FLT4: variants seen among roughly 807,000 people sequenced by gnomAD.
FLT4 encodes the protein fms related receptor tyrosine kinase 4.
Under a neutral mutation model 163.2 loss-of-function variants are expected in FLT4, and 30 were observed. That is an observed-to-expected ratio of 0.18 (90% CI 0.14 to 0.25). The LOEUF is 0.25. FLT4 is among the 10% of genes least tolerant of loss of function. FLT4 has a pLI of 1.00. For missense variants in FLT4, 1,510 were observed against 1,863.8 expected (o/e 0.81, Z 3.50); for synonymous variants, 884 against 789.5 (o/e 1.12, Z -2.01).
Position 180,630,449 on chromosome 5 carries a change from G to A in FLT4, c.400+106C>T, listed in dbSNP as rs1007234577. 4.5e-6 allele frequency: 7 copies of A among 1,572,376 alleles called. No individual in the cohort carries two copies. In the Admixed American group the frequency reaches 8.6e-5, roughly 19 times the overall value. On this transcript the variant is annotated intron_variant, in intron 3 of 29. Coordinates refer to ENST00000261937, the MANE Select transcript of FLT4 (RefSeq NM_182925.5). The surrounding 1 kb of genome is among the most constrained non-coding windows in gnomAD (Gnocchi z 6.3). ...AACCAGCCACCCGCTGGAGCAGGTA[G>A]GGCCCCGTTCTCTCCTCCTGCCAGC... is the stretch of plus-strand genomic sequence containing the variant.
Position 180,612,521 on chromosome 5 carries a change from C to G in FLT4, c.3522G>C (p.Gln1174His), listed in dbSNP as rs149299992. The G allele has an allele frequency of 2.6e-5, 42 of 1,613,618 alleles. No individual in the cohort carries two copies. In the African/African-American group the frequency reaches 5.2e-4, roughly 20 times the overall value. ...ELVEILGDLL[Q>H]GRGLQEEEEV... ...AGGGGCTCACTTGCAGGCCCCTGCCCTGGAGCAGGTCCCCCAGGATCTCCA... is the reference window on the plus strand; with the variant it reads ...AGGGGCTCACTTGCAGGCCCCTGCCGTGGAGCAGGTCCCCCAGGATCTCCA... The change falls in exon 26 of 30, where the codon CAG (glutamine) becomes CAC (histidine). Residue 1174 changes from glutamine to histidine, a missense_variant. Gln to His is a conservative substitution (Grantham distance 24). Transcript: ENST00000261937.
intron 1 of FLT4, among the ~76,000 whole-genome samples, chr5:180,632,966 G>A (rs1322858039): frequency 6.6e-6 from 1 of 151,978 alleles, no homozygotes; most frequent in Non-Finnish European, 1.5e-5. Flanking sequence ...CTGTCCTCCT[G>A]GGGGCACAGC....
intron 29 of FLT4, among the ~76,000 whole-genome samples, chr5:180,606,006 C>G (rs777184403): frequency 6.6e-6 from 1 of 152,186 alleles, no homozygotes; most frequent in Non-Finnish European, 1.5e-5. Context: ...TCTCCCCACA[C>G]CCCACCAAGG....
rs199812896 is a variant in FLT4, at chr5:180,603,175, G to A, written c.*17C>T. On this transcript the variant is annotated 3_prime_UTR_variant, in exon 30 of 30. Coordinates refer to ENST00000261937, the MANE Select transcript of FLT4 (RefSeq NM_182925.5). ...GGGCCTGAACCCCCAAGTGCTGGGG[G>A]TCTTGTCCGATGCTGCTTAGTAGCT... 68 of 1,613,042 alleles carry A rather than the reference G, an allele frequency of 4.2e-5. No individual in the cohort carries two copies. The highest frequency in any genetic ancestry group is 6.7e-5 in the African/African-American group (5 of 74,942).
chr5:180,639,179 GTGGATGGATGGACAGACAGATGAA>G (rs376170489), intron 1 of FLT4, among the ~76,000 whole-genome samples: 1 of 112,660 alleles, frequency 8.9e-6, no homozygotes, highest in African/African-American at 3.3e-5. Flanking sequence ...GGATGGATGG[GTGGATGGATGGACAGACAGATGAA>G]TGGATGGATG....
At chr5:180,607,266 T>C (rs961818794) in intron 29 of FLT4, among the ~76,000 whole-genome samples, 4 of 152,154 alleles carry the variant, frequency 2.6e-5, no homozygotes, top group African/African-American at 9.7e-5. Context: ...GTTGCCAAAA[T>C]ACATCCCAGC....
chr5:180,611,785 C>T, intron 26 of FLT4: 1 of 485,546 alleles, frequency 2.1e-6, no homozygotes, highest in Admixed American at 3.4e-5. Flanking sequence ...GATAAGGGGT[C>T]AAGGTAGCAG....
In FLT4 at chr5:180,624,019, G is replaced by A. The variant is rs2127822870; in HGVS notation, c.1464C>T (p.Asp488=). ...CATCCTGCGTGGTCACCGCCCTCCA[G>A]TCACGGCACTGTGGCATGAGGTCTT... ...QQQDLMPQCR[D]WRAVTTQDAV... The change falls in exon 11 of 30, where the codon GAC becomes GAT. Residue 488 remains aspartate, a synonymous_variant. Coordinates refer to ENST00000261937, the MANE Select transcript of FLT4 (RefSeq NM_182925.5). 1 of 1,613,396 alleles carries A rather than the reference G, an allele frequency of 6.2e-7. No individual in the cohort carries two copies. Among genetic ancestry groups the A allele is most frequent in the Non-Finnish European group, 8.5e-7 (1 of 1,180,000 alleles).
intron 1 of FLT4, among the ~76,000 whole-genome samples, chr5:180,634,587 T>C (rs994497866): frequency 2.1e-5 from 3 of 144,486 alleles, no homozygotes; most frequent in Non-Finnish European, 3.0e-5. Context: ...CCAGCTAACT[T>C]GGGAGGCTGA....
intron 29 of FLT4, among the ~76,000 whole-genome samples, chr5:180,606,440 C>T (rs553693030): frequency 3.9e-5 from 6 of 152,288 alleles, no homozygotes; most frequent in South Asian, 2.1e-4. Flanking sequence ...TCTCACGGGA[C>T]GGCCCTATCT....
At chr5:180,632,929 G>A (rs1438777177) in intron 1 of FLT4, among the ~76,000 whole-genome samples, 5 of 152,042 alleles carry the variant, frequency 3.3e-5, no homozygotes, top group African/African-American at 9.7e-5. Flanking sequence ...GAGGCCCAGG[G>A]CTGCGTCCTG....
chr5:180,649,155 G>A (rs1204705114), intron 1 of FLT4, among the ~76,000 whole-genome samples: 1 of 151,946 alleles, frequency 6.6e-6, no homozygotes, highest in East Asian at 2.0e-4. Context: ...GGGCGCGAAG[G>A]ATCCGGGCTC....
intron 23 of FLT4, among the ~76,000 whole-genome samples, chr5:180,614,878 C>T (rs1383913209): frequency 6.6e-6 from 1 of 152,174 alleles, no homozygotes; most frequent in Non-Finnish European, 1.5e-5. Context: ...CCTCTGACAC[C>T]CTTTCTCCCC....
rs1371084499 is a variant in FLT4 at position 180,607,785 on chromosome 5, T to C, written c.3893+1183A>G. Among the ~76,000 whole-genome samples, 5 of 152,310 alleles carry C rather than the reference T, an allele frequency of 3.3e-5. No homozygotes were observed. In the East Asian group the frequency reaches 5.8e-4, roughly 18 times the overall value. ...ATGATTAATTAGCTTTTAATACTAC[T>C]CTTTGATGTATTACTCATATTACCA... On this transcript the variant is annotated intron_variant, in intron 29 of 29. Coordinates refer to ENST00000261937, the MANE Select transcript of FLT4 (RefSeq NM_182925.5).
At position 180,621,361 on chromosome 5, in the gene FLT4, G is replaced by C. The variant is rs552080638; in HGVS notation, c.2021-109C>G. On this transcript the variant is annotated intron_variant, in intron 13 of 29. Coordinates refer to ENST00000261937, the MANE Select transcript of FLT4 (RefSeq NM_182925.5). ...GGATCCCTGGAAGCTGGACTTAGGG[G>C]TTGTGCGCCGGGCAGGAGCGCGGCG... 5 of 1,439,968 alleles carry C rather than the reference G, an allele frequency of 3.5e-6. No individual in the cohort carries two copies. In the African/African-American group the frequency reaches 4.2e-5, roughly 12 times the overall value. The allele number at this position is 1,439,968 out of a possible 1,614,324, so 89.2% of individuals were successfully genotyped here. A position where few individuals can be genotyped will look rare whatever the true frequency, so the allele number is the denominator to read the frequency against.
chr5:180,616,245 TG>T, intron 23 of FLT4, 121 bp downstream of exon 23: 1 of 1,417,514 alleles, frequency 7.1e-7, no homozygotes, highest in Non-Finnish European at 9.9e-7. Flanking sequence ...GGCACATGGC[TG>T]GCCAACCAAG....
upstream of FLT4, chr5:180,649,647 G>GGCGGC (rs1455123782): frequency 2.1e-6 from 1 of 468,082 alleles, no homozygotes; most frequent in East Asian, 8.2e-5. Context: ...GGCGGGGCGG[G>GGCGGC]GGCCGGAGGC....
At chr5:180,627,911 T>C (rs1372815760) in intron 8 of FLT4, among the ~76,000 whole-genome samples, 2 of 152,150 alleles carry the variant, frequency 1.3e-5, no homozygotes, top group East Asian at 3.9e-4. Flanking sequence ...CACCGAAGTC[T>C]GTGTCCTCAG....
At chr5:180,618,321 ACG>A (rs1762825784) in intron 21 of FLT4, among the ~76,000 whole-genome samples, 1 of 74,208 alleles carries the variant, frequency 1.3e-5, no homozygotes, top group African/African-American at 5.4e-5. Flanking sequence ...TGGGACACCC[ACG>A]TCCTACTCCC....
Sources: allele counts gnomAD v4.1 joint callset (sites outside exome capture counted in the v4.1 genomes callset), GRCh38; gene constraint gnomAD v4.1.1; non-coding constraint Gnocchi (gnomAD v3.1); transcripts MANE v1.5; gene names NCBI Gene and HGNC (gene_info 2026-07-23, HGNC 2026-07-21).